SGCZ: variants seen among roughly 807,000 people sequenced by gnomAD.
SGCZ encodes the protein sarcoglycan zeta.
A neutral mutation model predicts 41.3 loss-of-function variants in SGCZ; 40 were observed. That is an observed-to-expected ratio of 0.97 (90% CI 0.75 to 1.26). SGCZ has a LOEUF of 1.26. Among genes scored for constraint, SGCZ ranks in the 50% most tolerant of loss-of-function variants. The probability of loss-of-function intolerance (pLI) is 0.00; values close to 1 mark genes in which losing one functional copy is unlikely to be tolerated. For missense variants in SGCZ, 552 were observed against 369.8 expected (o/e 1.49, Z -4.04); for synonymous variants, 206 against 137.5 (o/e 1.50, Z -3.49).
chr8:14,326,538 G>C (rs1009460469), intron 2 of SGCZ, among the ~76,000 whole-genome samples: 1 of 152,108 alleles, frequency 6.6e-6, no homozygotes, highest in African/African-American at 2.4e-5. Context: ...CCCATAGAAG[G>C]AGAAAGTAAG....
Position 15,023,760 on chromosome 8 carries a change from G to A in SGCZ, c.39+213825C>T, listed in dbSNP as rs963482743. On this transcript the variant is annotated intron_variant, in intron 1 of 7. Transcript: ENST00000382080. ...ACAATAGAGTATTGAATAGTGGACA[G>A]TAGACAAAAAAGGTTATGTGAGAGA... 4.6e-5 allele frequency among the ~76,000 whole-genome samples: 7 copies of A among 152,260 alleles called. No homozygotes were observed. The South Asian group carries it at 1.4e-3, about 32-fold the overall frequency.
intron 1 of SGCZ, among the ~76,000 whole-genome samples, chr8:14,652,673 G>C (rs867573068): frequency 4.8e-4 from 73 of 152,016 alleles, no homozygotes; most frequent in African/African-American, 1.7e-3. Flanking sequence ...TTGCAAATTA[G>C]TTAGGTATAA....
At chr8:14,791,114 G>C (rs906840865) in intron 1 of SGCZ, among the ~76,000 whole-genome samples, 1 of 151,694 alleles carries the variant, frequency 6.6e-6, no homozygotes, top group African/African-American at 2.4e-5. Flanking sequence ...AAAAATCTCT[G>C]AGTGATAGAG....
At chr8:15,204,565 T>G (rs1182425939) in intron 1 of SGCZ, among the ~76,000 whole-genome samples, 4 of 152,178 alleles carry the variant, frequency 2.6e-5, no homozygotes, top group Non-Finnish European at 5.9e-5. Context: ...CTAGCTTTCT[T>G]GTGAAGTCTT....
At chr8:14,580,691 C>A (rs1007822726) in intron 1 of SGCZ, among the ~76,000 whole-genome samples, 1 of 152,130 alleles carries the variant, frequency 6.6e-6, no homozygotes, top group South Asian at 2.1e-4. Flanking sequence ...TTTGGGAAAG[C>A]TTTTGGCAAA....
intron 1 of SGCZ, among the ~76,000 whole-genome samples, chr8:15,096,909 T>C (rs1236531672): frequency 6.6e-6 from 1 of 151,982 alleles, no homozygotes; most frequent in African/African-American, 2.4e-5. Flanking sequence ...ATAGTCTTGA[T>C]CTTCTGACCT....
chr8:14,616,900 A>G lies in SGCZ; in HGVS notation c.40-61974T>C, dbSNP rs552021780. ...AAGGAACTTAAAAATTTAGTTGGAA[A>G]GTTACAGCAAAATTACCTTTAGGTT... On this transcript the variant is annotated intron_variant, in intron 1 of 7. Coordinates refer to ENST00000382080, the MANE Select transcript of SGCZ (RefSeq NM_139167.4). 2.6e-5 allele frequency among the ~76,000 whole-genome samples: 4 copies of G among 152,282 alleles called. No individual in the cohort carries two copies. In the East Asian group the frequency reaches 7.7e-4, roughly 29 times the overall value.
At chr8:14,847,126 AAAGAAGAAGAAGAAGAAGAAGAAGAAG>A (rs61002020) in intron 1 of SGCZ, among the ~76,000 whole-genome samples, 119 of 126,446 alleles carry the variant, frequency 9.4e-4, no homozygotes, top group Admixed American at 1.2e-3. Flanking sequence ...GAAGAAGAAG[AAAGAAGAAGAAGAAGAAGAAGAAGAAG>A]AAGAAGAAGA....
At chr8:14,172,930 T>C (rs930327366) in intron 4 of SGCZ, among the ~76,000 whole-genome samples, 3 of 152,104 alleles carry the variant, frequency 2.0e-5, no homozygotes, top group Non-Finnish European at 2.9e-5. Flanking sequence ...TACTAGGGAA[T>C]GTGTGAGATG....
intron 1 of SGCZ, among the ~76,000 whole-genome samples, chr8:14,818,667 A>T (rs1040508812): frequency 6.6e-6 from 1 of 152,142 alleles, no homozygotes; most frequent in African/African-American, 2.4e-5. Flanking sequence ...AAGGAACACA[A>T]ACAAATAATT....
At chr8:14,704,554 G>T (rs949054256) in intron 1 of SGCZ, among the ~76,000 whole-genome samples, 1 of 151,782 alleles carries the variant, frequency 6.6e-6, no homozygotes, top group East Asian at 1.9e-4. Context: ...TTTGAAGTCA[G>T]ATAGAAATGA....
intron 1 of SGCZ, among the ~76,000 whole-genome samples, chr8:15,017,784 G>T (rs1424711331): frequency 6.6e-6 from 1 of 152,172 alleles, no homozygotes; most frequent in Non-Finnish European, 1.5e-5. Flanking sequence ...GGGATTTCAG[G>T]TGTGAGCCGT....
chr8:14,125,308 C>T (rs1489428999), intron 5 of SGCZ, among the ~76,000 whole-genome samples: 1 of 151,998 alleles, frequency 6.6e-6, no homozygotes, highest in Non-Finnish European at 1.5e-5. Flanking sequence ...TCAAGACCAT[C>T]CTGGCTAACA....
chr8:14,819,554 C>T (rs1802011145), intron 1 of SGCZ, among the ~76,000 whole-genome samples: 1 of 152,046 alleles, frequency 6.6e-6, no homozygotes, highest in Admixed American at 6.6e-5. Context: ...AACTCTCCAA[C>T]AAAGATAAAT....
intron 2 of SGCZ, among the ~76,000 whole-genome samples, chr8:14,508,245 T>C (rs952166142): frequency 6.6e-6 from 1 of 152,174 alleles, no homozygotes; most frequent in Non-Finnish European, 1.5e-5. Flanking sequence ...AATATTGGAC[T>C]CTTTTGCTCC....
intron 3 of SGCZ, among the ~76,000 whole-genome samples, chr8:14,240,493 T>C (rs1440608311): frequency 6.6e-6 from 1 of 151,988 alleles, no homozygotes; most frequent in Non-Finnish European, 1.5e-5. Flanking sequence ...TCTCCTAATT[T>C]TTTGTCAGAA....
intron 1 of SGCZ, among the ~76,000 whole-genome samples, chr8:15,109,497 G>C (rs1806963834): frequency 6.6e-6 from 1 of 152,086 alleles, no homozygotes; most frequent in South Asian, 2.1e-4. Context: ...TGAGAGTATA[G>C]TTATTTATTT....
At chr8:14,801,191 T>G (rs919298150) in intron 1 of SGCZ, among the ~76,000 whole-genome samples, 2 of 152,208 alleles carry the variant, frequency 1.3e-5, no homozygotes, top group African/African-American at 4.8e-5. Context: ...TTGTGTTGTG[T>G]GTGTATGTGT....
At chr8:14,335,043 A>G (rs757186433) in intron 2 of SGCZ, among the ~76,000 whole-genome samples, 18 of 152,126 alleles carry the variant, frequency 1.2e-4, no homozygotes, top group Non-Finnish European at 2.2e-4. Flanking sequence ...AAGGACAGAA[A>G]GCACATGAAG....
Sources: gnomAD v4.1 joint callset for allele counts (sites outside exome capture counted in the v4.1 genomes callset) on GRCh38, gnomAD v4.1.1 for gene constraint, MANE v1.5 for transcripts, NCBI Gene and HGNC (gene_info 2026-07-23, HGNC 2026-07-21) for gene names.